Variants in PTGFRN observed in about 807,000 individuals in gnomAD.
The protein encoded by PTGFRN is prostaglandin F2 receptor inhibitor.
A neutral mutation model predicts 83.2 loss-of-function variants in PTGFRN; 35 were observed. The ratio of observed to expected loss-of-function variants is 0.42; its 90% CI spans 0.32 to 0.56. The LOEUF is 0.56. Ranked by LOEUF, PTGFRN falls within the 20% of genes least tolerant of loss-of-function variation. The pLI is 0.11. For missense variants in PTGFRN, 1,051 were observed against 1,179.5 expected (o/e 0.89, Z 1.60); for synonymous variants, 519 against 498.6 (o/e 1.04, Z -0.55).
intron 6 of PTGFRN, among the ~76,000 whole-genome samples, chr1:116,967,992 G>C (rs1570672686): frequency 1.3e-5 from 2 of 152,206 alleles, no homozygotes; most frequent in Admixed American, 6.5e-5. Context: ...GAACATAGTG[G>C]AGTATAAAGA....
chr1:116,952,382 C>G lies in PTGFRN; in HGVS notation c.1213+2810C>G, dbSNP rs916989607. Among the ~76,000 whole-genome samples, 33 of 152,018 alleles carry G rather than the reference C, an allele frequency of 2.2e-4. No individual in the cohort carries two copies. Among genetic ancestry groups the G allele is most frequent in the African/African-American group, 7.5e-4 (31 of 41,386 alleles). ...GGGCCTGGCAAGTCCAGAGCACTTGCAGCCACTGAGAGGATCATGATAATG... is the reference window on the plus strand; with the variant it reads ...GGGCCTGGCAAGTCCAGAGCACTTGGAGCCACTGAGAGGATCATGATAATG... On this transcript the variant is annotated intron_variant, in intron 4 of 8. Coordinates refer to ENST00000393203, the MANE Select transcript of PTGFRN (RefSeq NM_020440.4). The surrounding 1 kb of genome is among the most constrained non-coding windows in gnomAD (Gnocchi z 4.0).
intron 1 of PTGFRN, among the ~76,000 whole-genome samples, chr1:116,928,373 C>G (rs1320376609): frequency 1.3e-5 from 2 of 152,180 alleles, no homozygotes; most frequent in African/African-American, 4.8e-5. Flanking sequence ...TTTGAACATT[C>G]TTCCTTTTCA....
chr1:116,985,478 C>G (rs1172453135), intron 8 of PTGFRN, among the ~76,000 whole-genome samples: 4 of 151,972 alleles, frequency 2.6e-5, no homozygotes, highest in African/African-American at 9.7e-5. Flanking sequence ...GCGGGCGGAT[C>G]ATGAGGTCAG....
Position 116,941,761 on chromosome 1 carries a change from T to C in PTGFRN, c.96T>C (p.Val32=). ...RVVRVPTATL[V]RVVGTELVIP... is the part of the protein sequence containing the mutation. The stretch of plus-strand genomic sequence containing the variant: ...TGAGAGTCCCCACAGCGACCCTGGT[T>C]CGAGTGGTGGGCACTGAGCTGGTCA... The change falls in exon 2 of 9, where the codon GTT becomes GTC. Residue 32 remains valine (V), a synonymous_variant. Coordinates refer to ENST00000393203, the MANE Select transcript of PTGFRN (RefSeq NM_020440.4). This position sits in a 1 kb window ranked among gnomAD's most constrained non-coding sequence, Gnocchi z 5.0. The C allele has an allele frequency of 6.2e-7, 1 of 1,614,092 alleles. No homozygotes were observed. Among genetic ancestry groups the C allele is most frequent in the South Asian group, 1.1e-5 (1 of 91,080 alleles).
intron 1 of PTGFRN, among the ~76,000 whole-genome samples, chr1:116,911,229 A>G (rs1449333290): frequency 6.6e-6 from 1 of 152,186 alleles, no homozygotes; most frequent in African/African-American, 2.4e-5. Context: ...AACCAGGACA[A>G]GATGATTCCT....
rs971689727 is a variant in PTGFRN at position 116,961,828 on chromosome 1, C to A, written c.1639+160C>A. On this transcript the variant is annotated intron_variant, in intron 5 of 8. Transcript: ENST00000393203. The surrounding 1 kb of genome is among the most constrained non-coding windows in gnomAD (Gnocchi z 5.4). ...CGACCCGTTGCACATGCTCTTTGGA[C>A]TCACTATCACCCCTCCTCTGTCCCC... 3.3e-5 allele frequency among the ~76,000 whole-genome samples: 5 copies of A among 152,180 alleles called. No homozygotes were observed. The highest frequency in any genetic ancestry group is 9.7e-5 in the African/African-American group (4 of 41,434).
In PTGFRN at chr1:116,989,024, A is replaced by G. The variant is rs1461045741; in HGVS notation, c.*2057A>G. 2 of 152,266 alleles carry G rather than the reference A, an allele frequency of 1.3e-5. No individual in the cohort carries two copies. The highest frequency in any genetic ancestry group is 1.3e-4 in the Admixed American group (2 of 15,290). The allele number at this position is 152,266 out of a possible 1,614,324, so 9.4% of individuals were successfully genotyped here. On this transcript the variant is annotated 3_prime_UTR_variant, in exon 9 of 9. Transcript: ENST00000393203. Reference sequence around the variant, plus strand: ...ATATTTAAACAGGTGCTGTATTAGTAACAGCCAGTGCCCTTTCAGCCCTTG... The same window carrying G: ...ATATTTAAACAGGTGCTGTATTAGTGACAGCCAGTGCCCTTTCAGCCCTTG...
chr1:116,942,268 A>T (rs1218462540), intron 2 of PTGFRN, among the ~76,000 whole-genome samples, 185 bp downstream of exon 2: 1 of 152,202 alleles, frequency 6.6e-6, no homozygotes, highest in Non-Finnish European at 1.5e-5. Flanking sequence ...GATTAAAGGC[A>T]GGGGATGGGC....
rs1435540673 is a variant in PTGFRN, at chr1:116,974,286, C to G, written c.2130C>G (p.Phe710Leu). The G allele has an allele frequency of 1.2e-6, 2 of 1,612,938 alleles. No homozygotes were observed. Among genetic ancestry groups the G allele is most frequent in the South Asian group, 1.1e-5 (1 of 91,038 alleles). ...TTCGGGGAGATCTGATCAAATTGTTCTGTATCATCACTGTCGAGGGAGCAG... is the reference window on the plus strand; with the variant it reads ...TTCGGGGAGATCTGATCAAATTGTTGTGTATCATCACTGTCGAGGGAGCAG... ...SVIRGDLIKLFCIITVEGAAL... is the reference protein window; with the variant it reads ...SVIRGDLIKLLCIITVEGAAL... Residue 710 changes from phenylalanine to leucine, a missense_variant, in exon 7 of 9, where the codon TTC (phenylalanine) becomes TTG (leucine). Phe to Leu is a conservative substitution (Grantham distance 22). Coordinates refer to ENST00000393203, the MANE Select transcript of PTGFRN (RefSeq NM_020440.4).
rs1304780739 is a variant in PTGFRN at position 116,918,053 on chromosome 1, G to A, written c.49+7801G>A. Among the ~76,000 whole-genome samples the A allele has an allele frequency of 6.6e-6, 1 of 152,188 alleles. No individual in the cohort carries two copies. The highest frequency in any genetic ancestry group is 2.4e-5 in the African/African-American group (1 of 41,442). On this transcript the variant is annotated intron_variant, in intron 1 of 8. Transcript: ENST00000393203. This position sits in a 1 kb window ranked among gnomAD's most constrained non-coding sequence, Gnocchi z 4.1. ...GCTGTTAGGCAGAATCTCTAGCACAGGGACTCTTGCATTTTATAATCCATC... is the reference window on the plus strand; with the variant it reads ...GCTGTTAGGCAGAATCTCTAGCACAAGGACTCTTGCATTTTATAATCCATC...
In PTGFRN at chr1:116,940,860, A is replaced by C. The variant is rs555485614; in HGVS notation, c.50-855A>C. On this transcript the variant is annotated intron_variant, in intron 1 of 8. Coordinates refer to ENST00000393203, the MANE Select transcript of PTGFRN (RefSeq NM_020440.4). The stretch of plus-strand genomic sequence containing the variant: ...GAAATGCTAAACAGGTAGTAAATAC[A>C]CTGCAAAATCATGCTGAAGTTCATT... Among the ~76,000 whole-genome samples, 11 of 152,356 alleles carry C rather than the reference A, an allele frequency of 7.2e-5. No homozygotes were observed. In the South Asian group the frequency reaches 1.9e-3, roughly 26 times the overall value.
intron 1 of PTGFRN, among the ~76,000 whole-genome samples, chr1:116,929,629 C>T (rs1649743287): frequency 6.6e-6 from 1 of 152,206 alleles, no homozygotes; most frequent in South Asian, 2.1e-4. Context: ...TCATTCTGGT[C>T]TAAACTCAGA....
Position 116,941,968 on chromosome 1 carries a change from C to A in PTGFRN, c.303C>A (p.Ala101=), listed in dbSNP as rs368615013. 7 of 1,614,060 alleles carry A rather than the reference C, an allele frequency of 4.3e-6. No individual in the cohort carries two copies. Among genetic ancestry groups the A allele is most frequent in the Admixed American group, 1.7e-5 (1 of 59,996 alleles). ...TGTTAAGGCGGACTGCCAACGACGC[C>A]GTGGAGCTCCACATAAAGAACGTCC... is the stretch of plus-strand genomic sequence containing the variant. The part of the protein sequence containing the change: ...EILLRRTAND[A]VELHIKNVQP... Residue 101 remains alanine (A), a synonymous_variant, in exon 2 of 9, where the codon GCC becomes GCA. Coordinates refer to ENST00000393203, the MANE Select transcript of PTGFRN (RefSeq NM_020440.4). This position sits in a 1 kb window ranked among gnomAD's most constrained non-coding sequence, Gnocchi z 5.0.
chr1:116,957,025 A>T (rs2101073464), intron 4 of PTGFRN, among the ~76,000 whole-genome samples: 1 of 152,092 alleles, frequency 6.6e-6, no homozygotes, highest in South Asian at 2.1e-4. Flanking sequence ...TGACCTTGAG[A>T]ATGAGTGGCG....
chr1:116,955,922 G>A (rs1024281862), intron 4 of PTGFRN, among the ~76,000 whole-genome samples: 1 of 152,164 alleles, frequency 6.6e-6, no homozygotes, highest in Admixed American at 6.5e-5. Context: ...TGTTGAATAC[G>A]AAATAGGAGT....
At chr1:116,957,138 T>G (rs143853741) in intron 4 of PTGFRN, among the ~76,000 whole-genome samples, 105 of 149,934 alleles carry the variant, frequency 7.0e-4, no homozygotes, top group African/African-American at 2.5e-3. Context: ...TCTCTCTCTC[T>G]CTCGCTGGCT....
At chr1:116,912,866 G>A (rs183583226) in intron 1 of PTGFRN, among the ~76,000 whole-genome samples, 1 of 152,078 alleles carries the variant, frequency 6.6e-6, no homozygotes, top group Non-Finnish European at 1.5e-5. Context: ...TCTTGCCTGC[G>A]TATTAATATT....
At chr1:116,916,655 T>C (rs1208995976) in intron 1 of PTGFRN, among the ~76,000 whole-genome samples, 2 of 152,158 alleles carry the variant, frequency 1.3e-5, no homozygotes, top group African/African-American at 4.8e-5. Context: ...GTGTGTGCTA[T>C]GATTTGACGA....
chr1:116,959,716 G>T (rs1650593892), intron 4 of PTGFRN, among the ~76,000 whole-genome samples: 1 of 152,124 alleles, frequency 6.6e-6, no homozygotes, highest in Non-Finnish European at 1.5e-5. Flanking sequence ...GCTCGTTCCT[G>T]TAATCCCAGC....
Sources: allele counts gnomAD v4.1 joint callset (sites outside exome capture counted in the v4.1 genomes callset), GRCh38; gene constraint gnomAD v4.1.1; non-coding constraint Gnocchi (gnomAD v3.1); transcripts MANE v1.5; gene names NCBI Gene and HGNC (gene_info 2026-07-23, HGNC 2026-07-21).